TRIP4: variants seen among roughly 807,000 people sequenced by gnomAD.
The protein encoded by TRIP4 is activating signal cointegrator 1.
In TRIP4, 54 loss-of-function variants were observed where a neutral mutation model predicts 81.8. The ratio of observed to expected loss-of-function variants is 0.66; its 90% CI spans 0.53 to 0.83. The LOEUF (loss-of-function observed/expected upper bound fraction) is 0.83, where lower values mean the gene tolerates loss of function less well. Among genes scored for constraint, TRIP4 ranks in the 40% least tolerant of loss-of-function variants. The pLI is 0.00. For missense variants in TRIP4, 662 were observed against 683.6 expected (o/e 0.97, Z 0.35); for synonymous variants, 270 against 242.8 (o/e 1.11, Z -1.04).
intron 11 of TRIP4, among the ~76,000 whole-genome samples, chr15:64,432,634 G>A (rs935275316): frequency 2.0e-5 from 3 of 147,966 alleles, no homozygotes; most frequent in East Asian, 2.1e-4. Context: ...AAATACAGCC[G>A]GGCGTGGTGA....
chr15:64,407,408 CT>C (rs773162542), intron 6 of TRIP4, among the ~76,000 whole-genome samples: 1 of 152,130 alleles, frequency 6.6e-6, no homozygotes, highest in Non-Finnish European at 1.5e-5. Flanking sequence ...TGGCTCACAC[CT>C]GTAATCCCGG....
At chr15:64,431,943 G>C (rs1250113170) in intron 11 of TRIP4, among the ~76,000 whole-genome samples, 1 of 126,826 alleles carries the variant, frequency 7.9e-6, no homozygotes, top group Non-Finnish European at 1.6e-5. Flanking sequence ...GTGGAGTGCA[G>C]TGGAGTGATC....
intron 10 of TRIP4, among the ~76,000 whole-genome samples, chr15:64,424,934 C>A (rs1028697768): frequency 6.6e-6 from 1 of 152,144 alleles, no homozygotes; most frequent in African/African-American, 2.4e-5. Flanking sequence ...TGCCACCACA[C>A]CCAGCTAATT....
chr15:64,445,865 T>C (rs963250464), intron 12 of TRIP4, among the ~76,000 whole-genome samples: 5 of 152,168 alleles, frequency 3.3e-5, no homozygotes, highest in Non-Finnish European at 7.3e-5. Context: ...ATTAAAATGC[T>C]ATTTGTCAGC....
chr15:64,436,973 C>T (rs1042206177), intron 11 of TRIP4, among the ~76,000 whole-genome samples: 6 of 151,604 alleles, frequency 4.0e-5, no homozygotes, highest in Non-Finnish European at 5.9e-5. Context: ...TCCCAGAGTG[C>T]TGGGATTACA....
rs188466227 is a variant in TRIP4 at position 64,455,225 on chromosome 15, G to C, written c.*161G>C. 37 of 521,952 alleles carry C rather than the reference G, an allele frequency of 7.1e-5. No homozygotes were observed. The African/African-American group carries it at 7.2e-4, about 10-fold the overall frequency. 32.3% of individuals were successfully genotyped at this position (521,952 alleles called of 1,614,324 possible). A position where few individuals can be genotyped will look rare whatever the true frequency, so the allele number is the denominator to read the frequency against. On this transcript the variant is annotated 3_prime_UTR_variant, in exon 13 of 13. Coordinates refer to ENST00000261884, the MANE Select transcript of TRIP4 (RefSeq NM_016213.5). ...ACCAAAATCTGTATATTTTTCTTAA[G>C]GAGTGGGATTCCTACTTTATGTAAT...
At chr15:64,450,623 A>G (rs777719891) in intron 12 of TRIP4, 17 of 455,502 alleles carry the variant, frequency 3.7e-5, no homozygotes, top group South Asian at 2.6e-4. Flanking sequence ...CCATGATTGT[A>G]AGGAGTTCAC....
chr15:64,400,914 T>C, intron 5 of TRIP4, 93 bp downstream of exon 5: 2 of 1,036,654 alleles, frequency 1.9e-6, no homozygotes, highest in Non-Finnish European at 1.5e-6. Context: ...GAGTGCAAGA[T>C]GCAGTTTATT....
chr15:64,420,326 G>A (rs1891983747), intron 9 of TRIP4, among the ~76,000 whole-genome samples: 1 of 151,158 alleles, frequency 6.6e-6, no homozygotes, highest in South Asian at 2.1e-4. Flanking sequence ...TCTCCATGTT[G>A]GTCAGGCTGG....
chr15:64,448,568 A>G (rs1345456826), intron 12 of TRIP4, among the ~76,000 whole-genome samples: 1 of 152,110 alleles, frequency 6.6e-6, no homozygotes, highest in African/African-American at 2.4e-5. Context: ...GGCTCAAGTG[A>G]TCCTCCCACC....
At chr15:64,437,532 G>A (rs1317581128) in intron 11 of TRIP4, among the ~76,000 whole-genome samples, 2 of 150,462 alleles carry the variant, frequency 1.3e-5, no homozygotes, top group South Asian at 2.1e-4. Context: ...TCACTCTGTC[G>A]TGCAGGCTAG....
intron 11 of TRIP4, among the ~76,000 whole-genome samples, chr15:64,442,189 G>A (rs376170802): frequency 9.9e-5 from 12 of 121,572 alleles, no homozygotes; most frequent in Admixed American, 4.2e-4. Context: ...AGAATGGCGT[G>A]ATCTGATACA....
intron 5 of TRIP4, among the ~76,000 whole-genome samples, chr15:64,401,108 T>C (rs1891491345): frequency 6.6e-6 from 1 of 151,758 alleles, no homozygotes; most frequent in African/African-American, 2.4e-5. Flanking sequence ...ATTGCAGGCG[T>C]GTGCCACCAC....
At chr15:64,421,062 C>A (rs1271014824) in intron 9 of TRIP4, among the ~76,000 whole-genome samples, 1 of 150,920 alleles carries the variant, frequency 6.6e-6, no homozygotes, top group Non-Finnish European at 1.5e-5. Flanking sequence ...GTAATCCCAG[C>A]ACTTTAGGAG....
chr15:64,405,295 C>T (rs1891599699), intron 5 of TRIP4, among the ~76,000 whole-genome samples: 1 of 152,026 alleles, frequency 6.6e-6, no homozygotes, highest in African/African-American at 2.4e-5. Flanking sequence ...GCTGGGACTA[C>T]AGGTGCCTGC....
In TRIP4 at chr15:64,400,764, G is replaced by C. The variant is rs1465533209; in HGVS notation, c.640G>C (p.Asp214His). The C allele has an allele frequency of 1.2e-6, 2 of 1,614,052 alleles. No individual in the cohort carries two copies. Among genetic ancestry groups the C allele is most frequent in the South Asian group, 2.2e-5 (2 of 91,084 alleles). ...GTLVCTHEEQDILQRDSNKSQ... is the reference protein window; with the variant it reads ...GTLVCTHEEQHILQRDSNKSQ... ...ACAGGTGTGTACTCATGAGGAACAA[G>C]ATATTTTACAGCGTGACTCAAACAA... The change falls in exon 5 of 13, where the codon GAT (aspartate) becomes CAT (histidine). Residue 214 changes from aspartate (D) to histidine (H), a missense_variant. Physicochemically the swap from Asp to His is moderately conservative, Grantham distance 81. Transcript: ENST00000261884.
chr15:64,450,068 A>C (rs55944076), intron 12 of TRIP4, among the ~76,000 whole-genome samples: 1 of 152,158 alleles, frequency 6.6e-6, no homozygotes, highest in African/African-American at 2.4e-5. Flanking sequence ...ATTGTATGTC[A>C]CTATGGTTCA....
intron 11 of TRIP4, among the ~76,000 whole-genome samples, chr15:64,426,991 C>A (rs1289522638): frequency 6.6e-6 from 1 of 151,790 alleles, no homozygotes; most frequent in Non-Finnish European, 1.5e-5. Context: ...CAGAGCAAGG[C>A]TCTGTCTCAA....
At chr15:64,438,620 C>T (rs1596359523) in intron 11 of TRIP4, among the ~76,000 whole-genome samples, 1 of 152,250 alleles carries the variant, frequency 6.6e-6, no homozygotes, top group East Asian at 1.9e-4. Flanking sequence ...CTGGTGTTCA[C>T]TAGTTTAAGT....
Sources: allele counts gnomAD v4.1 joint callset (sites outside exome capture counted in the v4.1 genomes callset), GRCh38; gene constraint gnomAD v4.1.1; transcripts MANE v1.5; gene names NCBI Gene and HGNC (gene_info 2026-07-23, HGNC 2026-07-21).